Variants in PES1 observed in about 807,000 individuals in gnomAD.
The protein encoded by PES1 is pescadillo ribosomal biogenesis factor 1.
Under a neutral mutation model 77.1 loss-of-function variants are expected in PES1, and 31 were observed. The ratio of observed to expected loss-of-function variants is 0.40; its 90% CI spans 0.30 to 0.54. The LOEUF is 0.54. Among genes scored for constraint, PES1 ranks in the 20% least tolerant of loss-of-function variants. The pLI is 0.45. For synonymous variants in PES1, 282 were observed against 303.0 expected (o/e 0.93, Z 0.72); for missense variants, 658 against 771.7 (o/e 0.85, Z 1.75).
At chr22:30,596,825 G>A (rs1334772751), upstream of PES1, among the ~76,000 whole-genome samples, 5 of 152,322 alleles carry the variant, frequency 3.3e-5, no homozygotes, top group African/African-American at 7.2e-5. Context: ...GGCTGAGGCC[G>A]GAGCCGGCTC....
chr22:30,579,168 G>C lies in PES1; in HGVS notation c.1490C>G (p.Ala497Gly). The C allele has an allele frequency of 6.2e-7, 1 of 1,608,282 alleles. No homozygotes were observed. The highest frequency in any genetic ancestry group is 1.1e-5 in the South Asian group (1 of 90,906). Reference sequence around the variant, plus strand: ...CTCCATCCTCTGCTCTTCCAGGGCTGCCAGCCGGGCCTCTTCCTCCTTTTC... The same window carrying C: ...CTCCATCCTCTGCTCTTCCAGGGCTCCCAGCCGGGCCTCTTCCTCCTTTTC... Reference protein sequence around the residue: ...GSEKEEEARLAALEEQRMEGK... With the variant: ...GSEKEEEARLGALEEQRMEGK... The change falls in exon 13 of 15, where the codon GCA becomes GGA. Residue 497 changes from alanine to glycine, a missense_variant. Physicochemically the swap from Ala to Gly is moderately conservative, Grantham distance 60. Coordinates refer to ENST00000354694, the MANE Select transcript of PES1 (RefSeq NM_014303.4).
chr22:30,584,644 G>A lies in PES1; in HGVS notation c.442C>T (p.Pro148Ser), dbSNP rs559475200. The A allele has an allele frequency of 3.1e-6, 5 of 1,613,872 alleles. No individual in the cohort carries two copies. The South Asian group carries it at 5.5e-5, about 18-fold the overall frequency. Reference protein sequence around the residue: ...LSMCFLFSTFPRTGKCHVQTI... With the variant: ...LSMCFLFSTFSRTGKCHVQTI... The stretch of plus-strand genomic sequence containing the variant: ...TGCACGTGGCACTTGCCAGTCCGCG[G>A]GAAGGTGGAAAACAGGAAGCACATG... Residue 148 changes from proline (P) to serine (S), a missense_variant, in exon 5 of 15, where the codon CCG becomes TCG. Physicochemically the swap from Pro to Ser is moderately conservative, Grantham distance 74 (BLOSUM62 -1). Coordinates refer to ENST00000354694, the MANE Select transcript of PES1 (RefSeq NM_014303.4).
chr22:30,583,491 A>T (rs2087018369), intron 6 of PES1, among the ~76,000 whole-genome samples: 1 of 152,246 alleles, frequency 6.6e-6, no homozygotes, highest in African/African-American at 2.4e-5. Flanking sequence ...TGATCAAGCA[A>T]GGTGGGCTAA....
At chr22:30,595,091 T>C (rs1049065381), upstream of PES1, among the ~76,000 whole-genome samples, 2 of 152,170 alleles carry the variant, frequency 1.3e-5, no homozygotes, top group Non-Finnish European at 2.9e-5. Context: ...AGAGTGAGAT[T>C]CTAAAGTCAC....
Position 30,584,349 on chromosome 22 carries a change from C to A in PES1, c.630+16G>T. The A allele has an allele frequency of 6.3e-7, 1 of 1,587,874 alleles. No homozygotes were observed. The highest frequency in any genetic ancestry group is 2.3e-5 in the East Asian group (1 of 44,010). On this transcript the variant is annotated intron_variant, in intron 6 of 14. Coordinates refer to ENST00000354694, the MANE Select transcript of PES1 (RefSeq NM_014303.4). ...GAGGCAGCACAAGCCCGTCCCCTCC[C>A]GACAGGCACACTCACGTCATGGGAG... is the stretch of plus-strand genomic sequence containing the variant.
chr22:30,602,997 A>G lies in PES1; in HGVS notation c.-661+2464T>C, dbSNP rs545832405. Among the ~76,000 whole-genome samples, 20 of 150,482 alleles carry G rather than the reference A, an allele frequency of 1.3e-4. No individual in the cohort carries two copies. The East Asian group carries it at 4.0e-3, about 30-fold the overall frequency. On this transcript the variant is annotated intron_variant, in intron 2 of 16. Transcript: ENST00000402281. ...GTAATCTTGGCTCACTGCAACCTCT[A>G]CCTCCTGGGTTCAAGCAATTCTCCA...
intron 4 of PES1, among the ~76,000 whole-genome samples, chr22:30,585,572 G>A (rs2087071368): frequency 6.6e-6 from 1 of 152,038 alleles, no homozygotes; most frequent in African/African-American, 2.4e-5. Flanking sequence ...TGCCAGAGAC[G>A]CTGGCATCCA....
Position 30,591,865 on chromosome 22 carries a change from G to A in PES1, c.-32C>T, listed in dbSNP as rs375261253. 6 of 1,544,846 alleles carry A rather than the reference G, an allele frequency of 3.9e-6. No homozygotes were observed. The highest frequency in any genetic ancestry group is 5.2e-6 in the Non-Finnish European group (6 of 1,145,900). ...ACGTTGAGGAGCCGACTAGGGCCGC[G>A]CGTACAGGGAGCTCCACTTCCTCCC... On this transcript the variant is annotated 5_prime_UTR_variant, in exon 1 of 15. Transcript: ENST00000354694.
chr22:30,580,844 G>A, intron 9 of PES1, 143 bp from the exon 10 acceptor site: 1 of 1,335,792 alleles, frequency 7.5e-7, no homozygotes, highest in Non-Finnish European at 1.0e-6. Context: ...CCACTCCTGA[G>A]CTCTGTTGCC....
chr22:30,579,466 GCT>G, intron 12 of PES1, 163 bp from the exon 13 acceptor site: 1 of 1,170,666 alleles, frequency 8.5e-7, no homozygotes, highest in Non-Finnish European at 1.2e-6. Context: ...CCACAGCCCA[GCT>G]GCCATCAGAG....
At position 30,581,410 on chromosome 22, in the gene PES1, T is replaced by C; in HGVS notation, c.748-2A>G. On this transcript the variant is annotated splice_acceptor_variant, in intron 7 of 14. Transcript: ENST00000354694. LOFTEE classifies it high-confidence loss of function. Reference sequence around the variant, plus strand: ...CTCTGCTTGGGCCTGACCCTCGAGCTAGTAGGCAAAGGGAAGGTCAGGAGG... The same window carrying C: ...CTCTGCTTGGGCCTGACCCTCGAGCCAGTAGGCAAAGGGAAGGTCAGGAGG... 1 of 1,613,580 alleles carries C rather than the reference T, an allele frequency of 6.2e-7. No homozygotes were observed. The highest frequency in any genetic ancestry group is 8.5e-7 in the Non-Finnish European group (1 of 1,179,988).
chr22:30,579,849 A>G lies in PES1; in HGVS notation c.1256T>C (p.Leu419Pro), dbSNP rs969067976. The G allele has an allele frequency of 6.2e-7, 1 of 1,614,072 alleles. No individual in the cohort carries two copies. The highest frequency in any genetic ancestry group is 8.5e-7 in the Non-Finnish European group (1 of 1,179,984). The change falls in exon 12 of 15, where the codon CTG becomes CCG. Residue 419 changes from leucine (L) to proline (P), a missense_variant. By Grantham distance (98) the Leu-to-Pro change is moderately conservative. Transcript: ENST00000354694. ...CACAAAGGGTGAAAGGTGTGGGGGC[A>G]GCTGCACCCCAGAGAAGTACTCTGC... is the stretch of plus-strand genomic sequence containing the variant. ...PVAEYFSGVQ[L>P]PPHLSPFVTE...
In PES1 at chr22:30,579,932, G is replaced by C. The variant is rs779475751; in HGVS notation, c.1173C>G (p.Cys391Trp). The change falls in exon 12 of 15, where the codon TGC (cysteine) becomes TGG (tryptophan). Residue 391 changes from cysteine (C) to tryptophan (W), a missense_variant. Coordinates refer to ENST00000354694, the MANE Select transcript of PES1 (RefSeq NM_014303.4). ...PGQQTSVIGR[C>W]YVQPQWVFDS... ...CAAACACCCACTGGGGCTGCACGTA[G>C]CACCTGGCGCAGAGTGGCAGGCAAA... 3 of 1,613,282 alleles carry C rather than the reference G, an allele frequency of 1.9e-6. No homozygotes were observed. In the South Asian group the frequency reaches 3.3e-5, roughly 18 times the overall value.
At chr22:30,589,129 T>C in intron 2 of PES1, 62 bp downstream of exon 2, 1 of 1,233,012 alleles carries the variant, frequency 8.1e-7, no homozygotes, top group Non-Finnish European at 1.2e-6. Flanking sequence ...AAGACAGGGA[T>C]GCAGCTGAGT....
intron 2 of PES1, among the ~76,000 whole-genome samples, chr22:30,604,339 A>G (rs1354293011): frequency 6.6e-6 from 1 of 152,218 alleles, no homozygotes; most frequent in Non-Finnish European, 1.5e-5. Flanking sequence ...CTTGATAGAA[A>G]TGTTTCCTGT....
At chr22:30,592,531 G>T (rs12484495), upstream of PES1, 93,791 of 566,354 alleles carry the variant, frequency 0.17, 8,026 homozygotes, top group Middle Eastern at 0.19. Flanking sequence ...GAGCGGTGGC[G>T]CACGCCTGTA....
rs1210275569 is a variant in PES1 at position 30,577,167 on chromosome 22, G to A, written c.1684-38C>T. The A allele has an allele frequency of 3.2e-6, 5 of 1,548,898 alleles. No individual in the cohort carries two copies. In the African/African-American group the frequency reaches 5.4e-5, roughly 17 times the overall value. Reference sequence around the variant, plus strand: ...AGGCGAAGGTCAGGCTGAGGTATGTGTAGAAGGGAGGGTGGGGGGCACAGA... The same window carrying A: ...AGGCGAAGGTCAGGCTGAGGTATGTATAGAAGGGAGGGTGGGGGGCACAGA... On this transcript the variant is annotated intron_variant, in intron 14 of 14. Coordinates refer to ENST00000354694, the MANE Select transcript of PES1 (RefSeq NM_014303.4).
chr22:30,591,855 C>A lies in PES1; in HGVS notation c.-22G>T. ...CCATCGCTCCACGTTGAGGAGCCGA[C>A]TAGGGCCGCGCGTACAGGGAGCTCC... is the stretch of plus-strand genomic sequence containing the variant. On this transcript the variant is annotated 5_prime_UTR_variant, in exon 1 of 15. Transcript: ENST00000354694. 1 of 1,550,588 alleles carries A rather than the reference C, an allele frequency of 6.4e-7. No homozygotes were observed. The highest frequency in any genetic ancestry group is 8.7e-7 in the Non-Finnish European group (1 of 1,148,204).
intron 4 of PES1, chr22:30,587,045 A>C: frequency 2.0e-6 from 1 of 490,532 alleles, no homozygotes; most frequent in Non-Finnish European, 3.7e-6. Context: ...CTCTGCTTGG[A>C]TTGTGCTTCC....
Sources: allele counts gnomAD v4.1 joint callset (sites outside exome capture counted in the v4.1 genomes callset), GRCh38; gene constraint gnomAD v4.1.1; transcripts MANE v1.5; gene names NCBI Gene and HGNC (gene_info 2026-07-23, HGNC 2026-07-21).